Variants in DOCK3 observed in about 807,000 individuals in gnomAD.
DOCK3 encodes dedicator of cytokinesis protein 3.
DOCK3 carries 60 observed loss-of-function variants against 265.6 expected under a neutral mutation model. The observed-to-expected ratio is 0.23, with a 90% CI of 0.18 to 0.28. DOCK3 has a LOEUF of 0.28. Ranked by LOEUF, DOCK3 falls within the 10% of genes least tolerant of loss-of-function variation. The pLI is 1.00. For missense variants in DOCK3, 1,981 were observed against 2,594.3 expected (o/e 0.76, Z 5.14); for synonymous variants, 881 against 938.0 (o/e 0.94, Z 1.11).
rs916087618 is a variant in DOCK3 at position 51,211,342 on chromosome 3, C to G, written c.1126+2480C>G. 2.6e-5 allele frequency among the ~76,000 whole-genome samples: 4 copies of G among 151,750 alleles called. No homozygotes were observed. The East Asian group carries it at 5.8e-4, about 22-fold the overall frequency. On this transcript the variant is annotated intron_variant, in intron 13 of 52. Coordinates refer to ENST00000266037, the MANE Select transcript of DOCK3 (RefSeq NM_004947.5). ...CAGATTAACAGAGAAATTGTATAGA[C>G]TTTGTTATTTTCTTTCTTTTTTTTA...
chr3:51,187,403 C>T (rs775395430), intron 12 of DOCK3, among the ~76,000 whole-genome samples: 2 of 152,204 alleles, frequency 1.3e-5, no homozygotes, highest in Non-Finnish European at 2.9e-5. Context: ...TGTGATTTTA[C>T]AGACTCATAG....
intron 3 of DOCK3, among the ~76,000 whole-genome samples, chr3:50,855,379 A>ATGTTG (rs60885870): frequency 0.092 from 14,005 of 151,538 alleles, 1,345 homozygotes; most frequent in East Asian, 0.34. Context: ...GTATTGTATT[A>ATGTTG]TGTTGTGTTG....
At chr3:50,924,673 A>AT (rs1271100941) in intron 4 of DOCK3, among the ~76,000 whole-genome samples, 1 of 152,232 alleles carries the variant, frequency 6.6e-6, no homozygotes, top group East Asian at 1.9e-4. Flanking sequence ...TGTGTACCAC[A>AT]TCCAAGTCTC....
chr3:50,912,947 G>A (rs2049936498), intron 4 of DOCK3, among the ~76,000 whole-genome samples: 1 of 152,014 alleles, frequency 6.6e-6, no homozygotes, highest in Non-Finnish European at 1.5e-5. Flanking sequence ...CCTACTGACC[G>A]GTGACCAAGC....
At chr3:50,701,947 C>G (rs1453856081) in intron 1 of DOCK3, among the ~76,000 whole-genome samples, 1 of 152,160 alleles carries the variant, frequency 6.6e-6, no homozygotes, top group Non-Finnish European at 1.5e-5. Context: ...AATGCCAGTA[C>G]CATGTTGCTT....
At chr3:51,170,292 A>T (rs1467677770) in intron 12 of DOCK3, among the ~76,000 whole-genome samples, 1 of 150,272 alleles carries the variant, frequency 6.7e-6, no homozygotes, top group Non-Finnish European at 1.5e-5. Flanking sequence ...CCTTCACTTC[A>T]TTTTTTTTTG....
intron 5 of DOCK3, among the ~76,000 whole-genome samples, chr3:51,043,919 A>G (rs2080646595): frequency 1.3e-5 from 2 of 152,170 alleles, no homozygotes; most frequent in African/African-American, 4.8e-5. Context: ...TAAAAAGTCA[A>G]AAAATAACAG....
intron 5 of DOCK3, among the ~76,000 whole-genome samples, chr3:50,960,776 C>T (rs910287964): frequency 1.4e-4 from 21 of 152,156 alleles, no homozygotes; most frequent in Non-Finnish European, 2.8e-4. Context: ...CAAGGTCACT[C>T]TATATTTTCT....
intron 12 of DOCK3, among the ~76,000 whole-genome samples, chr3:51,161,166 C>T (rs926294841): frequency 7.3e-5 from 11 of 150,804 alleles, no homozygotes; most frequent in African/African-American, 1.7e-4. Context: ...GAAGATTGGC[C>T]GGGCACGGTG....
chr3:50,900,579 T>C (rs2049137178), intron 4 of DOCK3: 6 of 355,670 alleles, frequency 1.7e-5, no homozygotes, highest in South Asian at 1.1e-4. Flanking sequence ...ATTTTCAGCC[T>C]TTTTATGCTG....
At chr3:50,726,351 A>C (rs1192162521) in intron 1 of DOCK3, among the ~76,000 whole-genome samples, 1 of 152,144 alleles carries the variant, frequency 6.6e-6, no homozygotes, top group Non-Finnish European at 1.5e-5. Flanking sequence ...GAAGGGAGAG[A>C]CTGGGGAAGG....
At chr3:50,778,205 AT>A in intron 1 of DOCK3, among the ~76,000 whole-genome samples, 1 of 152,032 alleles carries the variant, frequency 6.6e-6, no homozygotes, top group South Asian at 2.1e-4. Context: ...TATGCTTTCT[AT>A]TTCATTAGTT....
chr3:51,212,379 T>G (rs1216261641), intron 13 of DOCK3, among the ~76,000 whole-genome samples: 1 of 151,914 alleles, frequency 6.6e-6, no homozygotes, highest in Non-Finnish European at 1.5e-5. Context: ...CAAAAGGCAG[T>G]CAGTGAGTAC....
At chr3:51,368,900 C>T (rs535324954) in intron 49 of DOCK3, among the ~76,000 whole-genome samples, 4 of 152,316 alleles carry the variant, frequency 2.6e-5, no homozygotes, top group East Asian at 3.9e-4. Context: ...TGTTCTGCAG[C>T]GTCCACTGTT....
intron 32 of DOCK3, among the ~76,000 whole-genome samples, chr3:51,320,220 G>A (rs779743852): frequency 1.2e-4 from 18 of 152,038 alleles, no homozygotes; most frequent in Non-Finnish European, 1.6e-4. Context: ...ACAAGGGGTC[G>A]GGGAATTCCC....
At chr3:51,000,865 C>T (rs2108684698) in intron 5 of DOCK3, among the ~76,000 whole-genome samples, 1 of 152,306 alleles carries the variant, frequency 6.6e-6, no homozygotes, top group Admixed American at 6.5e-5. Context: ...GTTCGCCAGG[C>T]TGGTCTTGAA....
intron 4 of DOCK3, among the ~76,000 whole-genome samples, chr3:50,905,460 C>T (rs1442384516): frequency 1.3e-5 from 2 of 152,018 alleles, no homozygotes; most frequent in Admixed American, 6.6e-5. Context: ...TGTAGTTCTC[C>T]TTGAAGAGGT....
chr3:50,962,582 C>A (rs1004361220), intron 5 of DOCK3, among the ~76,000 whole-genome samples: 1 of 152,142 alleles, frequency 6.6e-6, no homozygotes, highest in African/African-American at 2.4e-5. Context: ...TCTTAGAGCT[C>A]AAATAAATCC....
chr3:51,321,414 C>G (rs185045654), intron 32 of DOCK3, among the ~76,000 whole-genome samples: 2 of 152,226 alleles, frequency 1.3e-5, no homozygotes, highest in East Asian at 1.9e-4. Flanking sequence ...ACCAGAATGC[C>G]TCTTCTCCTC....
Sources: allele counts gnomAD v4.1 joint callset (sites outside exome capture counted in the v4.1 genomes callset), GRCh38; gene constraint gnomAD v4.1.1; transcripts MANE v1.5; gene names NCBI Gene and HGNC (gene_info 2026-07-23, HGNC 2026-07-21).